Variants in INKA2 observed in about 807,000 individuals in gnomAD.
INKA2 encodes PAK4-inhibitor INKA2.
In INKA2, 3 loss-of-function variants were observed where a neutral mutation model predicts 9.8. The ratio of observed to expected loss-of-function variants is 0.31; its 90% confidence interval spans 0.14 to 0.79. The LOEUF (loss-of-function observed/expected upper bound fraction) is 0.79, where lower values mean the gene tolerates loss of function less well. Among genes scored for constraint, INKA2 ranks in the 30% least tolerant of loss-of-function variants. The pLI is 0.62. For missense variants in INKA2, 392 were observed against 384.4 expected (o/e 1.02, Z -0.17); for synonymous variants, 147 against 143.3 (o/e 1.03, Z -0.18).
At chr1:111,729,867 G>A (rs919641431) in intron 1 of INKA2, among the ~76,000 whole-genome samples, 18 of 152,260 alleles carry the variant, frequency 1.2e-4, no homozygotes, top group African/African-American at 4.3e-4. Context: ...GGCTCTCAAT[G>A]AGCCAGCAGA....
intron 1 of INKA2, among the ~76,000 whole-genome samples, chr1:111,728,321 T>C (rs1662837383): frequency 1.3e-5 from 2 of 152,192 alleles, no homozygotes; most frequent in Admixed American, 1.3e-4. Flanking sequence ...GGAATTGTGC[T>C]AAGGACTCTA....
At chr1:111,733,816 C>T (rs1343679613) in intron 1 of INKA2, among the ~76,000 whole-genome samples, 2 of 152,186 alleles carry the variant, frequency 1.3e-5, no homozygotes, top group African/African-American at 2.4e-5. Context: ...CCCTGGGCCC[C>T]GACTGATCCC....
intron 1 of INKA2, among the ~76,000 whole-genome samples, chr1:111,750,522 G>T (rs1267636386): frequency 1.3e-5 from 2 of 152,154 alleles, no homozygotes; most frequent in Non-Finnish European, 2.9e-5. Context: ...CCCGTGGCTA[G>T]GCAAAGCAAC....
At chr1:111,751,025 T>C (rs1308251065) in intron 1 of INKA2, among the ~76,000 whole-genome samples, 2 of 152,234 alleles carry the variant, frequency 1.3e-5, no homozygotes, top group Non-Finnish European at 2.9e-5. Flanking sequence ...CTTGTCTGCC[T>C]GGTGAGCTCT....
chr1:111,749,454 G>A (rs932199112), intron 1 of INKA2, among the ~76,000 whole-genome samples: 24 of 152,146 alleles, frequency 1.6e-4, no homozygotes, highest in African/African-American at 4.6e-4. Context: ...GTGCGCGCGC[G>A]CGCGTGCTAG....
chr1:111,727,077 A>T lies in INKA2; in HGVS notation c.785T>A (p.Phe262Tyr). Residue 262 changes from phenylalanine (F) to tyrosine (Y), a missense_variant, in exon 2 of 2, where the codon TTC becomes TAC. Physicochemically the swap from Phe to Tyr is conservative, Grantham distance 22. Coordinates refer to ENST00000357260, the MANE Select transcript of INKA2 (RefSeq NM_019099.5). ...SLSKGSGHFP[F>Y]PGTGEHRRGE... ...TCGCCTGTGCTCCCCGGTGCCTGGGAAGGGGAAATGTCCAGAGCCCTTGGA... is the reference window on the plus strand; with the variant it reads ...TCGCCTGTGCTCCCCGGTGCCTGGGTAGGGGAAATGTCCAGAGCCCTTGGA... 6.2e-7 allele frequency: 1 copy of T among 1,614,010 alleles called. No homozygotes were observed. The highest frequency in any genetic ancestry group is 2.2e-5 in the East Asian group (1 of 44,864).
At chr1:111,738,695 G>C (rs768691701) in intron 1 of INKA2, among the ~76,000 whole-genome samples, 1 of 152,094 alleles carries the variant, frequency 6.6e-6, no homozygotes, top group Non-Finnish European at 1.5e-5. Context: ...CGCTTCCCTC[G>C]AGCGAGCAGT....
At position 111,723,999 on chromosome 1, in the gene INKA2, C is replaced by G. The variant is rs1288187842; in HGVS notation, c.*2969G>C. On this transcript the variant is annotated 3_prime_UTR_variant, in exon 2 of 2. Transcript: ENST00000357260. ...AAGTCAGTTGGAACTGATTCAATCTCAATTCCACTACTGTGTGACCTTGGA... is the reference window on the plus strand; with the variant it reads ...AAGTCAGTTGGAACTGATTCAATCTGAATTCCACTACTGTGTGACCTTGGA... 6.6e-6 allele frequency: 1 copy of G among 152,280 alleles called. No homozygotes were observed. Among genetic ancestry groups the G allele is most frequent in the Admixed American group, 6.5e-5 (1 of 15,284 alleles). 9.4% of individuals were successfully genotyped at this position (152,280 alleles called of 1,614,324 possible).
Position 111,728,070 on chromosome 1 carries a change from C to CACACACACACACAT in INKA2, c.58-267_58-266insATGTGTGTGTGTGT, listed in dbSNP as rs1184555425. Among the ~76,000 whole-genome samples the CACACACACACACAT allele has an allele frequency of 2.4e-3, 361 of 148,268 alleles. 7 individuals are homozygous for CACACACACACACAT. The highest frequency in any genetic ancestry group is 0.017 in the Middle Eastern group (5 of 292). ...ACACACACACACACACACACACACA[C>CACACACACACACAT]ACAGACATTTCATCTCCCCAACTAC... On this transcript the variant is annotated intron_variant, in intron 1 of 1. Coordinates refer to ENST00000357260, the MANE Select transcript of INKA2 (RefSeq NM_019099.5).
At chr1:111,738,322 G>T (rs1043255076) in intron 1 of INKA2, among the ~76,000 whole-genome samples, 30 of 152,216 alleles carry the variant, frequency 2.0e-4, no homozygotes, top group African/African-American at 7.2e-4. Context: ...AGTGGTATAT[G>T]AAGCCAGTGA....
chr1:111,729,690 C>T (rs1662862718), intron 1 of INKA2, among the ~76,000 whole-genome samples: 1 of 152,244 alleles, frequency 6.6e-6, no homozygotes, highest in Non-Finnish European at 1.5e-5. Flanking sequence ...ATCATCTTAC[C>T]TCCCAGGCTT....
rs1215034508 is a variant in INKA2, at chr1:111,739,388, T to G, written c.-146A>C. On this transcript the variant is annotated 5_prime_UTR_variant, in exon 1 of 2. Coordinates refer to ENST00000357260, the MANE Select transcript of INKA2 (RefSeq NM_019099.5). ...TGAGCCTGCGCTCCGAGCCCGGGAC[T>G]CAGAGTCGCTTCCCCAGCGGCTAGC... 4 of 1,491,980 alleles carry G rather than the reference T, an allele frequency of 2.7e-6. No homozygotes were observed. The highest frequency in any genetic ancestry group is 2.6e-5 in the South Asian group (2 of 75,796). The allele number at this position is 1,491,980 out of a possible 1,614,324, so 92.4% of individuals were successfully genotyped here.
rs1254563876 is a variant in INKA2 at position 111,726,413 on chromosome 1, C to T, written c.*555G>A. The T allele has an allele frequency of 1.7e-5, 4 of 239,552 alleles. No individual in the cohort carries two copies. The highest frequency in any genetic ancestry group is 1.6e-4 in the East Asian group (2 of 12,320). 14.8% of individuals were successfully genotyped at this position (239,552 alleles called of 1,614,324 possible). On this transcript the variant is annotated 3_prime_UTR_variant, in exon 2 of 2. Transcript: ENST00000357260. ...TCCAAGGCAGAAAGGGCTAGCAGGT[C>T]GGGTTTTGCCTCACTGCTGCTCCAG... is the stretch of plus-strand genomic sequence containing the variant.
chr1:111,743,953 C>T (rs184168553), upstream of INKA2, among the ~76,000 whole-genome samples: 14 of 152,340 alleles, frequency 9.2e-5, no homozygotes, highest in African/African-American at 2.2e-4. Flanking sequence ...GATATCACTG[C>T]GGAACTGTTT....
At chr1:111,734,015 G>A (rs994775416) in intron 1 of INKA2, among the ~76,000 whole-genome samples, 18 of 152,228 alleles carry the variant, frequency 1.2e-4, no homozygotes, top group Non-Finnish European at 2.2e-4. Flanking sequence ...CTGAGGGCCG[G>A]AAATGGGAAA....
chr1:111,739,470 GGGGGGCT>G, upstream of INKA2: 1 of 1,394,102 alleles, frequency 7.2e-7, no homozygotes, highest in South Asian at 1.6e-5. Flanking sequence ...TGAGAATTCA[GGGGGGCT>G]GTCTTCAGCC....
chr1:111,740,799 C>G (rs1001770607), upstream of INKA2, among the ~76,000 whole-genome samples: 3 of 151,760 alleles, frequency 2.0e-5, no homozygotes, highest in African/African-American at 7.3e-5. Context: ...ATGGAGAAAC[C>G]CCGTCTCCAC....
intron 1 of INKA2, chr1:111,754,979 C>CCTCTTTGAAAAGGAAGAG (rs71078100): frequency 0.48 from 72,631 of 152,014 alleles, 18,739 homozygotes; most frequent in African/African-American, 0.69. Context: ...GTGTTCAAGA[C>CCTCTTTGAAAAGGAAGAG]CTCTTTGAAA....
upstream of INKA2, among the ~76,000 whole-genome samples, chr1:111,740,971 T>TAAAAAA (rs869221820): frequency 2.7e-3 from 103 of 38,404 alleles, 51 homozygotes; most frequent in Non-Finnish European, 3.6e-3. Context: ...AAACTCCGTT[T>TAAAAAA]AAAAAAAAAA....
Sources: allele counts gnomAD v4.1 joint callset (sites outside exome capture counted in the v4.1 genomes callset), GRCh38; gene constraint gnomAD v4.1.1; transcripts MANE v1.5; gene names NCBI Gene and HGNC (gene_info 2026-07-23, HGNC 2026-07-21).